ASIC2: variants seen among roughly 807,000 people sequenced by gnomAD.
ASIC2 encodes acid sensing ion channel subunit 2.
A neutral mutation model predicts 57.3 loss-of-function variants in ASIC2; 25 were observed. The ratio of observed to expected loss-of-function variants is 0.44; its 90% CI spans 0.32 to 0.61. The LOEUF (loss-of-function observed/expected upper bound fraction) is 0.61. ASIC2 is among the 20% of genes least tolerant of loss of function. ASIC2 has a pLI of 0.06. For synonymous variants in ASIC2, 319 were observed against 307.5 expected (o/e 1.04, Z -0.39); for missense variants, 641 against 738.1 (o/e 0.87, Z 1.52).
chr17:33,292,086 G>C lies in ASIC2; in HGVS notation c.30C>G (p.Pro10=). MSRIGGAGL[P]AAALTGPGRF... Reference sequence around the variant, plus strand: ...GTCCCGGGCCGGTGAGCGCGGCTGCGGGCAGCCCGGCTCCGCCAATCCGGC... The same window carrying C: ...GTCCCGGGCCGGTGAGCGCGGCTGCCGGCAGCCCGGCTCCGCCAATCCGGC... The change falls in exon 1 of 10, where the codon CCC becomes CCG. Residue 10 remains proline, a synonymous_variant. Coordinates refer to ENST00000225823, the MANE Select transcript of ASIC2 (RefSeq NM_183377.2). 2 of 1,055,178 alleles carry C rather than the reference G, an allele frequency of 1.9e-6. No homozygotes were observed. Among genetic ancestry groups the C allele is most frequent in the Non-Finnish European group, 2.3e-6 (2 of 877,838 alleles). 65.4% of individuals were successfully genotyped at this position (1,055,178 alleles called of 1,614,324 possible).
chr17:33,470,721 C>T lies in ASIC2; in HGVS notation c.556-358654G>A, dbSNP rs1367466779. 2.0e-5 allele frequency among the ~76,000 whole-genome samples: 3 copies of T among 152,212 alleles called. No homozygotes were observed. In the East Asian group the frequency reaches 5.8e-4, roughly 29 times the overall value. On this transcript the variant is annotated intron_variant, in intron 1 of 9. Transcript: ENST00000359872. ...TGAAAACAAATGCATGCTTCTCTAT[C>T]TTGGACCTTTCAGAAATCACACACA...
chr17:34,126,687 T>A lies in ASIC2; in HGVS notation c.555+29291A>T, dbSNP rs939190769. On this transcript the variant is annotated intron_variant, in intron 1 of 9. Transcript: ENST00000359872. ...TAGAGCACAGATGAGGTTCTCTGAC[T>A]CTGAACGAAGAGGCAAGGCAGGCAC... Among the ~76,000 whole-genome samples, 7 of 152,268 alleles carry A rather than the reference T, an allele frequency of 4.6e-5. No individual in the cohort carries two copies. The South Asian group carries it at 1.5e-3, about 32-fold the overall frequency.
chr17:33,875,313 T>C (rs1914520714), intron 1 of ASIC2, among the ~76,000 whole-genome samples: 1 of 151,820 alleles, frequency 6.6e-6, no homozygotes, highest in Admixed American at 6.6e-5. Context: ...ATGAGCAGAG[T>C]TTTCCAGAAT....
chr17:33,470,706 T>G (rs527691525), intron 1 of ASIC2, among the ~76,000 whole-genome samples: 7 of 152,274 alleles, frequency 4.6e-5, no homozygotes, highest in African/African-American at 1.7e-4. Context: ...TGAAAACAAA[T>G]GCATGCTTCT....
At chr17:33,159,639 A>G (rs1330313205) in intron 1 of ASIC2, among the ~76,000 whole-genome samples, 2 of 152,174 alleles carry the variant, frequency 1.3e-5, no homozygotes, top group African/African-American at 4.8e-5. Flanking sequence ...GGTCCTAACG[A>G]AAGTGCCTTG....
intron 3 of ASIC2, among the ~76,000 whole-genome samples, chr17:33,044,807 G>A (rs1465456512): frequency 6.6e-6 from 1 of 152,198 alleles, no homozygotes; most frequent in Admixed American, 6.5e-5. Flanking sequence ...GCTATAGTGG[G>A]GTCATAATGT....
chr17:33,560,853 T>A (rs1009646406), intron 1 of ASIC2, among the ~76,000 whole-genome samples: 1 of 152,182 alleles, frequency 6.6e-6, no homozygotes, highest in African/African-American at 2.4e-5. Flanking sequence ...TTAGATAAGT[T>A]ACAGTATCTG....
intron 1 of ASIC2, among the ~76,000 whole-genome samples, chr17:33,657,152 A>C (rs1437245082): frequency 6.6e-6 from 1 of 152,146 alleles, no homozygotes; most frequent in Non-Finnish European, 1.5e-5. Context: ...GCCCCAGCCC[A>C]TTCTCCTTAC....
intron 1 of ASIC2, among the ~76,000 whole-genome samples, chr17:33,995,029 C>T (rs1420824943): frequency 7.9e-5 from 12 of 152,062 alleles, no homozygotes; most frequent in Non-Finnish European, 1.6e-4. Context: ...TTAGAGGACT[C>T]CACATTTCTC....
chr17:34,118,989 T>C (rs1443667660), intron 1 of ASIC2: 1 of 152,194 alleles, frequency 6.6e-6, no homozygotes, highest in Admixed American at 6.5e-5. Context: ...TTCCATAATC[T>C]CCATTTTGGA....
chr17:33,543,358 A>G (rs1915482746), intron 1 of ASIC2, among the ~76,000 whole-genome samples: 1 of 152,188 alleles, frequency 6.6e-6, no homozygotes, highest in South Asian at 2.1e-4. Context: ...CAGACTCCCA[A>G]GTGTCTTTGG....
chr17:33,155,460 A>G (rs1167764013), intron 1 of ASIC2, among the ~76,000 whole-genome samples: 1 of 150,790 alleles, frequency 6.6e-6, no homozygotes, highest in African/African-American at 2.4e-5. Flanking sequence ...GTATGCTGTC[A>G]TTTACCAGGA....
At chr17:33,953,524 T>A (rs1161185816) in intron 1 of ASIC2, among the ~76,000 whole-genome samples, 1 of 152,036 alleles carries the variant, frequency 6.6e-6, no homozygotes, top group Admixed American at 6.6e-5. Flanking sequence ...CAAATCCTGG[T>A]CTATTGTATC....
At chr17:33,692,536 T>C (rs983944585) in intron 1 of ASIC2, 9 of 152,196 alleles carry the variant, frequency 5.9e-5, no homozygotes, top group African/African-American at 1.7e-4. Context: ...TTTGTGTATC[T>C]AAAGCTATCT....
intron 2 of ASIC2, among the ~76,000 whole-genome samples, chr17:33,108,126 G>A (rs2092242434): frequency 6.6e-6 from 1 of 152,080 alleles, no homozygotes; most frequent in Admixed American, 6.5e-5. Flanking sequence ...TTTTACAAAC[G>A]AGGAAACAGA....
rs959970517 is a variant in ASIC2 at position 33,493,729 on chromosome 17, C to T, written c.556-381662G>A. Among the ~76,000 whole-genome samples the T allele has an allele frequency of 5.3e-5, 8 of 152,256 alleles. No individual in the cohort carries two copies. The South Asian group carries it at 8.3e-4, about 16-fold the overall frequency. On this transcript the variant is annotated intron_variant, in intron 1 of 9. Transcript: ENST00000359872. ...GCCTTGCTGGGAACCCGCCATCCTTCCCCCAAGATAGCATTCTTACTCTCC... is the reference window on the plus strand; with the variant it reads ...GCCTTGCTGGGAACCCGCCATCCTTTCCCCAAGATAGCATTCTTACTCTCC...
intron 1 of ASIC2, among the ~76,000 whole-genome samples, chr17:33,216,836 G>T (rs1907507461): frequency 6.6e-6 from 1 of 152,210 alleles, no homozygotes; most frequent in South Asian, 2.1e-4. Flanking sequence ...TGAGACGGTG[G>T]GTGGTTCAAT....
At chr17:34,027,778 G>A (rs1907433856) in intron 1 of ASIC2, among the ~76,000 whole-genome samples, 1 of 152,162 alleles carries the variant, frequency 6.6e-6, no homozygotes, top group African/African-American at 2.4e-5. Flanking sequence ...ACACTGCAAG[G>A]CAAGAATCAT....
chr17:33,078,452 GGA>G (rs764749963), intron 3 of ASIC2, among the ~76,000 whole-genome samples: 3 of 152,194 alleles, frequency 2.0e-5, no homozygotes, highest in Non-Finnish European at 4.4e-5. Flanking sequence ...GAATTTAAAT[GGA>G]CAGTAAATTA....
Sources: allele counts gnomAD v4.1 joint callset (sites outside exome capture counted in the v4.1 genomes callset), GRCh38; gene constraint gnomAD v4.1.1; transcripts MANE v1.5; gene names NCBI Gene and HGNC (gene_info 2026-07-23, HGNC 2026-07-21).